MPDU1: variants seen among roughly 807,000 people sequenced by gnomAD.
MPDU1 encodes the protein mannose-P-dolichol utilization defect 1 protein.
In MPDU1, 18 loss-of-function variants were observed where a neutral mutation model predicts 27.6. That is an observed-to-expected ratio of 0.65 (90% CI 0.45 to 0.97). The LOEUF (loss-of-function observed/expected upper bound fraction) is 0.97. Ranked by LOEUF, MPDU1 falls within the 50% of genes least tolerant of loss-of-function variation. The probability of loss-of-function intolerance (pLI) is 0.00; values close to 1 mark genes in which losing one functional copy is unlikely to be tolerated. For synonymous variants in MPDU1, 142 were observed against 131.1 expected (o/e 1.08, Z -0.57); for missense variants, 279 against 297.4 (o/e 0.94, Z 0.46).
chr17:7,587,854 G>A lies in MPDU1; in HGVS notation c.*303G>A, dbSNP rs890667024. The stretch of plus-strand genomic sequence containing the variant: ...CCTCCTCCTCTAGCAGCAATTTCCA[G>A]CTGTGTAACACTATCCTGGGCAAAT... On this transcript the variant is annotated 3_prime_UTR_variant, in exon 7 of 7. Coordinates refer to ENST00000250124, the MANE Select transcript of MPDU1 (RefSeq NM_004870.4). 8.9e-5 allele frequency: 48 copies of A among 537,264 alleles called. No homozygotes were observed. The Admixed American group carries it at 1.0e-3, about 11-fold the overall frequency. The allele number at this position is 537,264 out of a possible 1,614,324, so 33.3% of individuals were successfully genotyped here. A position where few individuals can be genotyped will look rare whatever the true frequency, so the allele number is the denominator to read the frequency against.
At chr17:7,584,187 T>G in intron 1 of MPDU1, 1 of 614,860 alleles carries the variant, frequency 1.6e-6, no homozygotes, top group African/African-American at 1.8e-5. Context: ...TTTGTGGAGT[T>G]TGTGCTGTAG....
chr17:7,586,567 A>C, intron 3 of MPDU1, 125 bp from the exon 4 acceptor site: 3 of 843,520 alleles, frequency 3.6e-6, no homozygotes, highest in Non-Finnish European at 6.1e-6. Flanking sequence ...AGAATGAGCC[A>C]GTCCCGTGTG....
At position 7,586,603 on chromosome 17, in the gene MPDU1, G is replaced by T. The variant is rs538603508; in HGVS notation, c.303-89G>T. The T allele has an allele frequency of 4.4e-6, 5 of 1,148,462 alleles. No individual in the cohort carries two copies. In the South Asian group the frequency reaches 6.2e-5, roughly 14 times the overall value. The allele number at this position is 1,148,462 out of a possible 1,614,324, so 71.1% of individuals were successfully genotyped here. A position where few individuals can be genotyped will look rare whatever the true frequency, so the allele number is the denominator to read the frequency against. Reference sequence around the variant, plus strand: ...GGGGCTGTAGAGAAGCGTGATCAGAGCATAGTGTCCCTGGATGGATGGGCT... The same window carrying T: ...GGGGCTGTAGAGAAGCGTGATCAGATCATAGTGTCCCTGGATGGATGGGCT... On this transcript the variant is annotated intron_variant, in intron 3 of 6. Transcript: ENST00000250124.
At chr17:7,583,986 G>C in intron 1 of MPDU1, 21 bp downstream of exon 1, 1 of 1,609,138 alleles carries the variant, frequency 6.2e-7, no homozygotes, top group Non-Finnish European at 8.5e-7. Context: ...TTCAGCATCC[G>C]ATCCAAGTCC....
At chr17:7,585,647 G>T (rs1227546921) in intron 1 of MPDU1, 85 bp from the exon 2 acceptor site, 16 of 1,357,116 alleles carry the variant, frequency 1.2e-5, no homozygotes, top group Non-Finnish European at 1.7e-5. Flanking sequence ...TGGGTAAGGG[G>T]GCTCGGGGAG....
At chr17:7,585,655 G>A in intron 1 of MPDU1, 77 bp from the exon 2 acceptor site, 1 of 1,420,214 alleles carries the variant, frequency 7.0e-7, no homozygotes, top group Non-Finnish European at 1.0e-6. Context: ...GGGGCTCGGG[G>A]AGAGCCCACA....
At chr17:7,584,671 G>A (rs2071550614) in intron 1 of MPDU1, among the ~76,000 whole-genome samples, 1 of 152,194 alleles carries the variant, frequency 6.6e-6, no homozygotes. Context: ...CCTGAGTAGG[G>A]GCCAGGGACA....
intron 1 of MPDU1, chr17:7,584,278 T>C: frequency 1.7e-6 from 1 of 578,690 alleles, no homozygotes; most frequent in South Asian, 2.1e-5. Flanking sequence ...ATTAGATCGC[T>C]AGCAGGGTTA....
Position 7,586,703 on chromosome 17 carries a change from A to C in MPDU1, c.314A>C (p.Glu105Ala). 1 of 1,614,038 alleles carries C rather than the reference A, an allele frequency of 6.2e-7. No individual in the cohort carries two copies. The highest frequency in any genetic ancestry group is 8.5e-7 in the Non-Finnish European group (1 of 1,179,978). Residue 105 changes from glutamate (E) to alanine (A), a missense_variant, in exon 4 of 7, where the codon GAA becomes GCA. Coordinates refer to ENST00000250124, the MANE Select transcript of MPDU1 (RefSeq NM_004870.4). ...TCTTGACTCTGCAGCTCTTGGGGTG[A>C]AGCCTTATTCCTGATGCTCCAGACG... is the stretch of plus-strand genomic sequence containing the variant. ...TNNFPFSSWG[E>A]ALFLMLQTIT...
At chr17:7,583,788 G>C, upstream of MPDU1, 1 of 1,473,680 alleles carries the variant, frequency 6.8e-7, no homozygotes, top group Non-Finnish European at 9.5e-7. Flanking sequence ...AACGGGAGGC[G>C]GAGTGTCCGC....
In MPDU1 at chr17:7,586,930, C is replaced by G; in HGVS notation, c.420C>G (p.Val140=). The G allele has an allele frequency of 6.2e-7, 1 of 1,613,996 alleles. No homozygotes were observed. The highest frequency in any genetic ancestry group is 8.5e-7 in the Non-Finnish European group (1 of 1,180,002). Reference sequence around the variant, plus strand: ...CTTTCCTCGCTTGCTACGGCCTGGTCCTGCTGGTGCTTCTCTCACCTCTGA... The same window carrying G: ...CTTTCCTCGCTTGCTACGGCCTGGTGCTGCTGGTGCTTCTCTCACCTCTGA... The part of the protein sequence containing the change: ...GVAFLACYGL[V]LLVLLSPLTP... Residue 140 remains valine, a synonymous_variant, in exon 5 of 7, where the codon GTC becomes GTG. Transcript: ENST00000250124.
Position 7,588,064 on chromosome 17 carries a change from G to C in MPDU1, c.*513G>C, listed in dbSNP as rs1379098306. Reference sequence around the variant, plus strand: ...GGAGAATGACTCAGGCAGGGCCCCAGGGTGGGGTGAGGAGGTTCCTGCTCT... The same window carrying C: ...GGAGAATGACTCAGGCAGGGCCCCACGGTGGGGTGAGGAGGTTCCTGCTCT... On this transcript the variant is annotated 3_prime_UTR_variant, in exon 7 of 7. Coordinates refer to ENST00000250124, the MANE Select transcript of MPDU1 (RefSeq NM_004870.4). 3.7e-6 allele frequency: 2 copies of C among 541,574 alleles called. No homozygotes were observed. The highest frequency in any genetic ancestry group is 7.0e-6 in the Non-Finnish European group (2 of 283,908). The allele number at this position is 541,574 out of a possible 1,614,324, so 33.5% of individuals were successfully genotyped here.
At position 7,586,782 on chromosome 17, in the gene MPDU1, TG is replaced by T. The variant is rs2071589803; in HGVS notation, c.388+9del. On this transcript the variant is annotated splice_donor_region_variant and intron_variant, in intron 4 of 6. Coordinates refer to ENST00000250124, the MANE Select transcript of MPDU1 (RefSeq NM_004870.4). ...ACAGAGGACAGACTGTGAAAGGTGCTGGGGACTTACCCAAGAGCAGGCTGTG... is the reference window on the plus strand; with the variant it reads ...ACAGAGGACAGACTGTGAAAGGTGCTGGGACTTACCCAAGAGCAGGCTGTG... 1 of 1,614,002 alleles carries T rather than the reference TG, an allele frequency of 6.2e-7. No homozygotes were observed. The highest frequency in any genetic ancestry group is 8.5e-7 in the Non-Finnish European group (1 of 1,179,902).
intron 1 of MPDU1, among the ~76,000 whole-genome samples, chr17:7,585,475 T>C (rs1208187108): frequency 6.6e-6 from 1 of 151,364 alleles, no homozygotes; most frequent in Non-Finnish European, 1.5e-5. Flanking sequence ...AGGCAGAGGC[T>C]GCAGTGGGCT....
At position 7,584,115 on chromosome 17, in the gene MPDU1, GCTCCTT is replaced by G. The variant is rs1435114119; in HGVS notation, c.103+151_103+156del. On this transcript the variant is annotated intron_variant, in intron 1 of 6. Transcript: ENST00000250124. ...TCTGAGAAGGGCGGAAGTGTCTCGG[GCTCCTT>G]AGAGGGAGGACACCATATTAGTGCC... 2.6e-4 allele frequency: 206 copies of G among 790,502 alleles called. 1 individual carries two copies. The highest frequency in any genetic ancestry group is 9.6e-4 in the Middle Eastern group (3 of 3,136). 49.0% of individuals were successfully genotyped at this position (790,502 alleles called of 1,614,324 possible).
At chr17:7,586,504 C>T in intron 3 of MPDU1, 188 bp from the exon 4 acceptor site, 2 of 683,466 alleles carry the variant, frequency 2.9e-6, no homozygotes, top group East Asian at 2.7e-5. Context: ...CTAATCATCA[C>T]CAGTGGAGGT....
chr17:7,586,540 G>A (rs377643911), intron 3 of MPDU1, 152 bp from the exon 4 acceptor site: 3 of 743,166 alleles, frequency 4.0e-6, no homozygotes, highest in African/African-American at 1.7e-5. Flanking sequence ...TGAGCATCCC[G>A]AGAATGGCCA....
chr17:7,584,143 T>G (rs2071542292), intron 1 of MPDU1, 178 bp downstream of exon 1: 1 of 681,562 alleles, frequency 1.5e-6, no homozygotes, highest in Non-Finnish European at 2.7e-6. Context: ...ACCATATTAG[T>G]GCCAGTGGGG....
intron 5 of MPDU1, 64 bp downstream of exon 5, chr17:7,587,081 CA>C (rs1567743597): frequency 6.4e-7 from 1 of 1,557,894 alleles, no homozygotes; most frequent in Non-Finnish European, 8.8e-7. Flanking sequence ...AGTAGAAGAT[CA>C]AAGTGTGGGG....
Sources: allele counts gnomAD v4.1 joint callset (sites outside exome capture counted in the v4.1 genomes callset), GRCh38; gene constraint gnomAD v4.1.1; transcripts MANE v1.5; gene names NCBI Gene and HGNC (gene_info 2026-07-23, HGNC 2026-07-21).